Variants in JDP2 observed in about 807,000 individuals in gnomAD.
JDP2 encodes the protein Jun dimerization protein 2, also known as progesterone receptor co-activator.
Under a neutral mutation model 17.1 loss-of-function variants are expected in JDP2, and 9 were observed. The observed-to-expected ratio is 0.53, with a 90% CI of 0.32 to 0.92. JDP2 has a LOEUF of 0.92. Ranked by LOEUF, JDP2 falls within the 40% of genes least tolerant of loss-of-function variation. The probability of loss-of-function intolerance (pLI) is 0.04; values close to 1 mark genes in which losing one functional copy is unlikely to be tolerated. For synonymous variants in JDP2, 107 were observed against 95.6 expected (o/e 1.12, Z -0.69); for missense variants, 179 against 220.0 (o/e 0.81, Z 1.18).
chr14:75,438,107 C>T lies in JDP2; in HGVS notation c.187C>T (p.Pro63Ser), dbSNP rs779643581. The T allele has an allele frequency of 6.2e-7, 1 of 1,609,388 alleles. No homozygotes were observed. The highest frequency in any genetic ancestry group is 8.5e-7 in the Non-Finnish European group (1 of 1,176,802). The change falls in exon 2 of 4, where the codon CCC (proline) becomes TCC (serine). Residue 63 changes from proline to serine, a missense_variant. Transcript: ENST00000651602. ...GGTGAAACTGGGCAAGAGGCCCCAG[C>T]CCGTGAAAAGTGAGGTGAGCGAGCC... ...LEVKLGKRPQ[P>S]VKSELDEEEE...
intron 2 of JDP2, among the ~76,000 whole-genome samples, chr14:75,451,537 G>A (rs1196036913): frequency 2.6e-5 from 4 of 152,168 alleles, no homozygotes; most frequent in African/African-American, 7.2e-5. Context: ...CTGAAACCAC[G>A]TGAGTAGATG....
At chr14:75,461,554 AG>A (rs1336330890) in intron 3 of JDP2, 24 bp downstream of exon 3, 16 of 1,549,210 alleles carry the variant, frequency 1.0e-5, no homozygotes, top group Admixed American at 1.9e-5. Flanking sequence ...GTGGGTGGGG[AG>A]GCCTGCCATT....
intron 2 of JDP2, among the ~76,000 whole-genome samples, chr14:75,453,276 A>G (rs61563484): frequency 0.03 from 4,637 of 152,202 alleles, 227 homozygotes; most frequent in African/African-American, 0.11. Context: ...CAGGGTGCTC[A>G]TGGGTCCCTG....
chr14:75,451,916 A>C (rs564420293), intron 2 of JDP2, among the ~76,000 whole-genome samples: 1 of 152,300 alleles, frequency 6.6e-6, no homozygotes, highest in South Asian at 2.1e-4. Flanking sequence ...TAAAAGCAGA[A>C]ACTTCTTTTT....
chr14:75,437,811 G>C lies in JDP2; in HGVS notation c.-23-87G>C, dbSNP rs1397765035. 4.6e-6 allele frequency: 4 copies of C among 870,004 alleles called. No individual in the cohort carries two copies. The Admixed American group carries it at 8.8e-5, about 19-fold the overall frequency. 53.9% of individuals were successfully genotyped at this position (870,004 alleles called of 1,614,324 possible). ...ATTCAGGGGAACATTGGTGAAAGAA[G>C]CCACAGTCCTGGCAAGACGAGGGAC... On this transcript the variant is annotated intron_variant, in intron 1 of 3. Coordinates refer to ENST00000651602, the MANE Select transcript of JDP2 (RefSeq NM_001135048.2).
rs955747493 is a variant in JDP2 at position 75,472,069 on chromosome 14, G to T, written c.*2594G>T. 1 of 152,188 alleles carries T rather than the reference G, an allele frequency of 6.6e-6. No homozygotes were observed. Among genetic ancestry groups the T allele is most frequent in the Non-Finnish European group, 1.5e-5 (1 of 68,064 alleles). The allele number at this position is 152,188 out of a possible 1,614,324, so 9.4% of individuals were successfully genotyped here. A position where few individuals can be genotyped will look rare whatever the true frequency, so the allele number is the denominator to read the frequency against. On this transcript the variant is annotated 3_prime_UTR_variant, in exon 4 of 4. Coordinates refer to ENST00000651602, the MANE Select transcript of JDP2 (RefSeq NM_001135048.2). ...TCACCACACCAGTGACTTGTGCTGTGCGGAGCCTTCCTCACCAGGACCACT... is the reference window on the plus strand; with the variant it reads ...TCACCACACCAGTGACTTGTGCTGTTCGGAGCCTTCCTCACCAGGACCACT...
At chr14:75,463,149 G>A (rs1248351750) in intron 3 of JDP2, among the ~76,000 whole-genome samples, 1 of 152,274 alleles carries the variant, frequency 6.6e-6, no homozygotes, top group East Asian at 1.9e-4. Flanking sequence ...TGACACACCA[G>A]TGCAATAAAG....
intron 2 of JDP2, among the ~76,000 whole-genome samples, chr14:75,455,192 C>T (rs1886046615): frequency 6.6e-6 from 1 of 152,116 alleles, no homozygotes; most frequent in African/African-American, 2.4e-5. Flanking sequence ...GTCTGGGTGG[C>T]CTTCAAGACT....
intron 2 of JDP2, among the ~76,000 whole-genome samples, chr14:75,440,718 T>C (rs1885303326): frequency 6.6e-6 from 1 of 152,210 alleles, no homozygotes; most frequent in Non-Finnish European, 1.5e-5. Context: ...TGGTGGACGA[T>C]GGCTGCCGTT....
At chr14:75,468,403 A>G (rs982014932) in intron 3 of JDP2, among the ~76,000 whole-genome samples, 1 of 152,204 alleles carries the variant, frequency 6.6e-6, no homozygotes, top group African/African-American at 2.4e-5. Context: ...TGGCCCTCGA[A>G]TAAATGCCAA....
At chr14:75,452,229 T>C (rs1244032768) in intron 2 of JDP2, among the ~76,000 whole-genome samples, 2 of 152,188 alleles carry the variant, frequency 1.3e-5, no homozygotes, top group Non-Finnish European at 2.9e-5. Flanking sequence ...GCCCACCGTG[T>C]GGAAGGTAGC....
chr14:75,461,197 C>G lies in JDP2; in HGVS notation c.202-229C>G, dbSNP rs74067254. Among the ~76,000 whole-genome samples, 208 of 152,300 alleles carry G rather than the reference C, an allele frequency of 1.4e-3. 2 individuals carry two copies. The highest frequency in any genetic ancestry group is 4.8e-3 in the African/African-American group (199 of 41,558). On this transcript the variant is annotated intron_variant, in intron 2 of 3. Transcript: ENST00000651602. ...AGACACATTCAAACCAGAGCAGAAT[C>G]CCTGCCCGTTTGGGCTACTGACTCC... is the stretch of plus-strand genomic sequence containing the variant.
At chr14:75,443,751 C>G (rs184413970) in intron 2 of JDP2, among the ~76,000 whole-genome samples, 1 of 152,206 alleles carries the variant, frequency 6.6e-6, no homozygotes, top group East Asian at 1.9e-4. Flanking sequence ...CACAGGGTCC[C>G]TTGGAGAGGT....
At chr14:75,439,091 G>C (rs1033872268) in intron 2 of JDP2, among the ~76,000 whole-genome samples, 1 of 152,196 alleles carries the variant, frequency 6.6e-6, no homozygotes, top group East Asian at 1.9e-4. Flanking sequence ...ATGAGCCTGG[G>C]GGGAGCTCGG....
At chr14:75,457,938 A>T (rs192949314) in intron 2 of JDP2, among the ~76,000 whole-genome samples, 1 of 152,352 alleles carries the variant, frequency 6.6e-6, no homozygotes, top group African/African-American at 2.4e-5. Context: ...TAATGAAAGA[A>T]TCTAAGCCTG....
intron 2 of JDP2, chr14:75,445,659 T>C (rs190012153): frequency 7.9e-6 from 7 of 883,752 alleles, no homozygotes; most frequent in African/African-American, 3.6e-5. Flanking sequence ...CATATACATA[T>C]ATTATCTCAA....
chr14:75,449,689 C>T (rs1392333860), intron 2 of JDP2, among the ~76,000 whole-genome samples: 1 of 152,200 alleles, frequency 6.6e-6, no homozygotes, highest in East Asian at 1.9e-4. Context: ...CTGAAATAGA[C>T]ATATTTCAGC....
At chr14:75,457,020 A>C (rs1347675648) in intron 2 of JDP2, among the ~76,000 whole-genome samples, 4 of 152,232 alleles carry the variant, frequency 2.6e-5, no homozygotes, top group Non-Finnish European at 5.9e-5. Context: ...GGGAAACTGC[A>C]GGAAAACAGA....
At chr14:75,446,995 C>G (rs952882569) in intron 2 of JDP2, among the ~76,000 whole-genome samples, 1 of 152,020 alleles carries the variant, frequency 6.6e-6, no homozygotes, top group Non-Finnish European at 1.5e-5. Context: ...AGCCTTTTTT[C>G]CTTTTTATTG....
Sources: allele counts gnomAD v4.1 joint callset (sites outside exome capture counted in the v4.1 genomes callset), GRCh38; gene constraint gnomAD v4.1.1; transcripts MANE v1.5; gene names NCBI Gene and HGNC (gene_info 2026-07-23, HGNC 2026-07-21).